The following RCSD1 variants were observed in gnomAD, a reference collection of about 807,000 sequenced individuals.
RCSD1 encodes the protein RCSD domain containing 1.
A neutral mutation model predicts 42.5 loss-of-function variants in RCSD1; 26 were observed. The observed-to-expected ratio is 0.61, with a 90% CI of 0.45 to 0.85. RCSD1 has a LOEUF of 0.85. Ranked by LOEUF, RCSD1 falls within the 40% of genes least tolerant of loss-of-function variation. RCSD1 has a pLI of 0.00. For synonymous variants in RCSD1, 220 were observed against 212.2 expected (o/e 1.04, Z -0.32); for missense variants, 571 against 528.3 (o/e 1.08, Z -0.79).
chr1:167,646,068 T>G (rs1173816697), intron 1 of RCSD1, among the ~76,000 whole-genome samples: 1 of 152,006 alleles, frequency 6.6e-6, no homozygotes, highest in Non-Finnish European at 1.5e-5. Context: ...ACAGTGCAGA[T>G]TTGGTATTTG....
intron 3 of RCSD1, among the ~76,000 whole-genome samples, chr1:167,687,926 T>C (rs1441003269): frequency 2.0e-5 from 3 of 152,258 alleles, no homozygotes; most frequent in Admixed American, 1.3e-4. Flanking sequence ...CAGAAAAGGC[T>C]GAAAAGCATT....
At chr1:167,681,984 T>C (rs1321225775) in intron 1 of RCSD1, among the ~76,000 whole-genome samples, 1 of 152,166 alleles carries the variant, frequency 6.6e-6, no homozygotes, top group Non-Finnish European at 1.5e-5. Flanking sequence ...AAATCTGGCA[T>C]CTTGAATAGA....
intron 1 of RCSD1, among the ~76,000 whole-genome samples, chr1:167,682,983 C>G (rs1659120648): frequency 6.6e-6 from 1 of 152,180 alleles, no homozygotes; most frequent in Non-Finnish European, 1.5e-5. Flanking sequence ...CCTCCTGTAA[C>G]AAGGCAGAAA....
At chr1:167,668,238 T>C (rs1334148057) in intron 1 of RCSD1, among the ~76,000 whole-genome samples, 1 of 151,798 alleles carries the variant, frequency 6.6e-6, no homozygotes, top group Non-Finnish European at 1.5e-5. Flanking sequence ...TAAGCTGAGA[T>C]TGCACCAATG....
At chr1:167,662,509 T>C (rs1321406554) in intron 1 of RCSD1, among the ~76,000 whole-genome samples, 1 of 152,218 alleles carries the variant, frequency 6.6e-6, no homozygotes, top group East Asian at 1.9e-4. Context: ...TTGGTCACTG[T>C]TCTTCATTAC....
chr1:167,666,536 G>C (rs1284542559), intron 1 of RCSD1, among the ~76,000 whole-genome samples: 1 of 152,176 alleles, frequency 6.6e-6, no homozygotes, highest in Non-Finnish European at 1.5e-5. Flanking sequence ...AGTTACAGAG[G>C]GGACTTGCCA....
chr1:167,640,347 T>G (rs567919696), intron 1 of RCSD1: 1 of 152,452 alleles, frequency 6.6e-6, no homozygotes, highest in African/African-American at 2.4e-5. Flanking sequence ...CCTTGACTTG[T>G]GGCCACATCA....
At chr1:167,655,911 A>G (rs547421432) in intron 1 of RCSD1, among the ~76,000 whole-genome samples, 286 of 152,348 alleles carry the variant, frequency 1.9e-3, no homozygotes, top group Non-Finnish European at 3.8e-3. Context: ...AAACTTTGGG[A>G]AAAACACCAT....
chr1:167,688,528 A>G (rs1659292200), intron 3 of RCSD1, among the ~76,000 whole-genome samples: 1 of 152,124 alleles, frequency 6.6e-6, no homozygotes, highest in African/African-American at 2.4e-5. Context: ...CCTTAGAATC[A>G]TTTATTCCCG....
intron 1 of RCSD1, among the ~76,000 whole-genome samples, chr1:167,638,820 A>G (rs1274041400): frequency 6.6e-6 from 1 of 152,246 alleles, no homozygotes; most frequent in Middle Eastern, 3.2e-3. Flanking sequence ...AAAGAACCAT[A>G]GCAATTTCTT....
chr1:167,680,817 C>T (rs892563205), intron 1 of RCSD1, among the ~76,000 whole-genome samples: 6 of 152,224 alleles, frequency 3.9e-5, no homozygotes, highest in Non-Finnish European at 7.3e-5. Context: ...ACTTTATGGA[C>T]ATCACAGGAA....
intron 6 of RCSD1, 38 bp downstream of exon 6, chr1:167,697,880 C>T (rs1659541691): frequency 1.4e-6 from 2 of 1,444,782 alleles, no homozygotes; most frequent in Non-Finnish European, 9.1e-7. Flanking sequence ...GAAGGCAGTG[C>T]CAGGGCCAGT....
chr1:167,696,458 T>C (rs1297751043), intron 5 of RCSD1, among the ~76,000 whole-genome samples: 1 of 149,398 alleles, frequency 6.7e-6, no homozygotes, highest in Non-Finnish European at 1.5e-5. Context: ...ACAATTTCTT[T>C]TTTTTTTTTT....
intron 1 of RCSD1, among the ~76,000 whole-genome samples, chr1:167,658,174 A>G (rs1658463031): frequency 6.6e-6 from 1 of 152,186 alleles, no homozygotes; most frequent in African/African-American, 2.4e-5. Flanking sequence ...TGCTTCCACC[A>G]GATCAGCCCC....
At chr1:167,681,480 G>A (rs1387640075) in intron 1 of RCSD1, among the ~76,000 whole-genome samples, 2 of 152,188 alleles carry the variant, frequency 1.3e-5, no homozygotes, top group Non-Finnish European at 2.9e-5. Context: ...CAAACTCAGA[G>A]GTAATAGAAT....
intron 1 of RCSD1, among the ~76,000 whole-genome samples, chr1:167,651,336 A>G (rs1292150894): frequency 6.6e-6 from 1 of 152,058 alleles, no homozygotes; most frequent in Non-Finnish European, 1.5e-5. Context: ...GGCTCTGAAC[A>G]CCCGATCTGT....
rs567105967 is a variant in RCSD1, at chr1:167,683,550, A to C, written c.7-350A>C. On this transcript the variant is annotated intron_variant, in intron 1 of 6. Coordinates refer to ENST00000367854, the MANE Select transcript of RCSD1 (RefSeq NM_052862.4). The stretch of plus-strand genomic sequence containing the variant: ...TTTGCTCACCCTTGTTCAGGAGGTA[A>C]GGAGACTCGTACACTGTCGCAGACG... Among the ~76,000 whole-genome samples, 3 of 152,312 alleles carry C rather than the reference A, an allele frequency of 2.0e-5. No individual in the cohort carries two copies. The East Asian group carries it at 5.8e-4, about 29-fold the overall frequency.
chr1:167,636,612 G>A (rs553848150), intron 1 of RCSD1, among the ~76,000 whole-genome samples: 1 of 151,610 alleles, frequency 6.6e-6, no homozygotes, highest in Non-Finnish European at 1.5e-5. Flanking sequence ...GTTTTTAGAC[G>A]GAGTTTTGCT....
At chr1:167,653,901 G>T (rs551499388) in intron 1 of RCSD1, among the ~76,000 whole-genome samples, 1 of 152,282 alleles carries the variant, frequency 6.6e-6, no homozygotes, top group East Asian at 1.9e-4. Flanking sequence ...TGCGTAATAG[G>T]TTCAGAAGGC....
Sources: gnomAD v4.1 joint callset for allele counts (sites outside exome capture counted in the v4.1 genomes callset) on GRCh38, gnomAD v4.1.1 for gene constraint, MANE v1.5 for transcripts, NCBI Gene and HGNC (gene_info 2026-07-23, HGNC 2026-07-21) for gene names.